Variants in RBPMS observed in about 807,000 individuals in gnomAD.
RBPMS encodes the protein RNA-binding protein with multiple splicing.
RBPMS carries 7 observed loss-of-function variants against 26.8 expected under a neutral mutation model. That is an observed-to-expected ratio of 0.26 (90% CI 0.15 to 0.49). RBPMS has a LOEUF of 0.49. Among genes scored for constraint, RBPMS ranks in the 20% least tolerant of loss-of-function variants. The probability of loss-of-function intolerance (pLI) is 0.98; values close to 1 mark genes in which losing one functional copy is unlikely to be tolerated. For missense variants in RBPMS, 186 were observed against 250.0 expected (o/e 0.74, Z 1.73); for synonymous variants, 96 against 93.3 (o/e 1.03, Z -0.17).
At chr8:30,494,227 C>G (rs998765634) in intron 4 of RBPMS, among the ~76,000 whole-genome samples, 3 of 152,192 alleles carry the variant, frequency 2.0e-5, no homozygotes, top group Admixed American at 1.3e-4. Context: ...GACAGCAGCT[C>G]AGGTGTCCTG....
At chr8:30,461,616 T>C (rs887204984) in intron 1 of RBPMS, among the ~76,000 whole-genome samples, 2 of 152,088 alleles carry the variant, frequency 1.3e-5, no homozygotes, top group African/African-American at 4.8e-5. Context: ...AGGATAGTCT[T>C]GATCTCCTGA....
intron 6 of RBPMS, chr8:30,552,726 C>T (rs553859268): frequency 6.6e-6 from 1 of 152,366 alleles, no homozygotes; most frequent in South Asian, 2.1e-4. Context: ...GCACATTTCA[C>T]ATGCCTGTTT....
rs570785584 is a variant in RBPMS, at chr8:30,537,649, T to C, written c.398-6845T>C. 3.6e-4 allele frequency: 165 copies of C among 456,224 alleles called. 1 individual carries two copies. The highest frequency in any genetic ancestry group is 2.2e-3 in the South Asian group (144 of 64,558). 28.3% of individuals were successfully genotyped at this position (456,224 alleles called of 1,614,324 possible). A position where few individuals can be genotyped will look rare whatever the true frequency, so the allele number is the denominator to read the frequency against. The stretch of plus-strand genomic sequence containing the variant: ...GAAGGGTCTGGACTCATGATCTTGA[T>C]TGATTCACATCCTGGCTCTGTGAGA... On this transcript the variant is annotated intron_variant, in intron 5 of 8. Coordinates refer to ENST00000397323, the MANE Select transcript of RBPMS (RefSeq NM_001008710.3).
rs555374558 is a variant in RBPMS, at chr8:30,542,484, C to G, written c.398-2010C>G. ...CTCTACCCACCCCACCCCAGTTAGCCAGGAAGATAAGGAAGGACCACTGAC... is the reference window on the plus strand; with the variant it reads ...CTCTACCCACCCCACCCCAGTTAGCGAGGAAGATAAGGAAGGACCACTGAC... On this transcript the variant is annotated intron_variant, in intron 5 of 8. Transcript: ENST00000397323. Among the ~76,000 whole-genome samples, 5 of 152,266 alleles carry G rather than the reference C, an allele frequency of 3.3e-5. No homozygotes were observed. The South Asian group carries it at 1.0e-3, about 32-fold the overall frequency.
chr8:30,384,579 C>G lies in RBPMS; in HGVS notation c.-514C>G, dbSNP rs1005626441. The G allele has an allele frequency of 2.6e-5, 4 of 155,552 alleles. No homozygotes were observed. The highest frequency in any genetic ancestry group is 6.5e-5 in the Admixed American group (1 of 15,280). The allele number at this position is 155,552 out of a possible 1,614,324, so 9.6% of individuals were successfully genotyped here. The stretch of plus-strand genomic sequence containing the variant: ...AGCGCGTACTCAGCGGCTCTCGGGT[C>G]CCAGCGTCCCAGCCGCGGCCCGCGC... On this transcript the variant is annotated 5_prime_UTR_variant, in exon 1 of 9. Coordinates refer to ENST00000397323, the MANE Select transcript of RBPMS (RefSeq NM_001008710.3). This position sits in a 1 kb window ranked among gnomAD's most constrained non-coding sequence, Gnocchi z 5.6.
chr8:30,519,334 T>C (rs1563403323), intron 5 of RBPMS, among the ~76,000 whole-genome samples: 3 of 152,200 alleles, frequency 2.0e-5, no homozygotes, highest in African/African-American at 4.8e-5. Context: ...ATTGCTTCTT[T>C]CTCCTCCTCC....
intron 1 of RBPMS, among the ~76,000 whole-genome samples, chr8:30,449,470 A>G (rs1240811649): frequency 6.6e-6 from 1 of 150,764 alleles, no homozygotes; most frequent in African/African-American, 2.5e-5. Context: ...TCCTGGTTCA[A>G]GCAATTCCCC....
chr8:30,519,301 C>G (rs1294794356), intron 5 of RBPMS, among the ~76,000 whole-genome samples: 1 of 152,044 alleles, frequency 6.6e-6, no homozygotes, highest in Admixed American at 6.5e-5. Flanking sequence ...TAACAGTTAC[C>G]AAGATTTAGC....
intron 4 of RBPMS, among the ~76,000 whole-genome samples, chr8:30,486,148 A>G (rs1008928965): frequency 1.3e-3 from 193 of 152,190 alleles, no homozygotes; most frequent in African/African-American, 4.3e-3. Flanking sequence ...GGAGTTCAAG[A>G]CCAGCCTGGT....
At chr8:30,469,703 A>G (rs1010675043) in intron 1 of RBPMS, among the ~76,000 whole-genome samples, 2 of 152,384 alleles carry the variant, frequency 1.3e-5, no homozygotes, top group African/African-American at 4.8e-5. Context: ...ATCTGTGTCC[A>G]TAGACATTGC....
intron 4 of RBPMS, 98 bp from the exon 5 acceptor site, chr8:30,504,188 C>T: frequency 1.5e-6 from 2 of 1,299,652 alleles, no homozygotes; most frequent in Admixed American, 1.8e-5. Flanking sequence ...ACCTTTTTTC[C>T]TGATAGACCA....
chr8:30,444,482 C>G (rs1221696305), intron 1 of RBPMS, among the ~76,000 whole-genome samples: 1 of 152,108 alleles, frequency 6.6e-6, no homozygotes, highest in Admixed American at 6.6e-5. Flanking sequence ...ATATGTAAAC[C>G]ATTTGAACAG....
In RBPMS at chr8:30,569,607, G is replaced by A. The variant is rs6987311; in HGVS notation, c.*112-1030G>A. Among the ~76,000 whole-genome samples the A allele has an allele frequency of 3.8e-3, 580 of 152,298 alleles. 7 individuals are homozygous for A. The highest frequency in any genetic ancestry group is 0.013 in the African/African-American group (557 of 41,562). On this transcript the variant is annotated intron_variant, in intron 8 of 8. Transcript: ENST00000397323. ...AGCCACTGGAAAGATGAGCAGGGGT[G>A]GAGAGTGATTTAGGAATGTTGTTGT...
chr8:30,534,027 G>A (rs897240120), intron 5 of RBPMS, among the ~76,000 whole-genome samples: 6 of 151,966 alleles, frequency 3.9e-5, no homozygotes, highest in African/African-American at 1.5e-4. Flanking sequence ...CCAGCTACTC[G>A]GGATGCTGAG....
chr8:30,411,058 T>G (rs1377707830), intron 1 of RBPMS, among the ~76,000 whole-genome samples: 1 of 152,174 alleles, frequency 6.6e-6, no homozygotes, highest in Non-Finnish European at 1.5e-5. Context: ...TCTTAATAAT[T>G]TTTAATGAAG....
chr8:30,514,407 A>C (rs1483283117), intron 5 of RBPMS, among the ~76,000 whole-genome samples: 1 of 152,092 alleles, frequency 6.6e-6, no homozygotes, highest in Non-Finnish European at 1.5e-5. Flanking sequence ...AAATTGTGAG[A>C]TGTGCCTGTC....
At chr8:30,418,724 A>G (rs1474451896) in intron 1 of RBPMS, among the ~76,000 whole-genome samples, 3 of 152,036 alleles carry the variant, frequency 2.0e-5, no homozygotes, top group African/African-American at 4.8e-5. Context: ...GGCTACAGGC[A>G]TGTGCCACCA....
At chr8:30,454,688 A>T (rs1814994419) in intron 1 of RBPMS, among the ~76,000 whole-genome samples, 1 of 152,236 alleles carries the variant, frequency 6.6e-6, no homozygotes, top group Non-Finnish European at 1.5e-5. Context: ...TCAGACAAAA[A>T]GATGAATTAT....
chr8:30,566,186 T>C (rs1298126221), intron 7 of RBPMS, 71 bp from the exon 8 acceptor site: 1 of 877,124 alleles, frequency 1.1e-6, no homozygotes, highest in African/African-American at 1.8e-5. Flanking sequence ...AACAGGCCGG[T>C]CTTCAAGACC....
Sources: gnomAD v4.1 joint callset for allele counts (sites outside exome capture counted in the v4.1 genomes callset) on GRCh38, gnomAD v4.1.1 for gene constraint, Gnocchi (gnomAD v3.1) non-coding constraint, MANE v1.5 for transcripts, NCBI Gene and HGNC (gene_info 2026-07-23, HGNC 2026-07-21) for gene names.